ADGRL2: variants seen among roughly 807,000 people sequenced by gnomAD.
ADGRL2 encodes the protein adhesion G protein-coupled receptor L2.
Under a neutral mutation model 157.4 loss-of-function variants are expected in ADGRL2, and 44 were observed. The observed-to-expected ratio is 0.28, with a 90% CI of 0.22 to 0.36. The LOEUF (loss-of-function observed/expected upper bound fraction) is 0.36, where lower values mean the gene tolerates loss of function less well. ADGRL2 is among the 10% of genes least tolerant of loss of function. The pLI is 1.00. For missense variants in ADGRL2, 1,510 were observed against 1,768.9 expected (o/e 0.85, Z 2.63); for synonymous variants, 585 against 624.7 (o/e 0.94, Z 0.95).
intron 3 of ADGRL2, among the ~76,000 whole-genome samples, chr1:81,606,891 A>T (rs531900772): frequency 2.6e-5 from 4 of 152,104 alleles, no homozygotes; most frequent in Admixed American, 2.6e-4. Flanking sequence ...CACAAAGTCA[A>T]CTGTAGTACA....
chr1:81,832,544 C>T lies in ADGRL2; in HGVS notation c.-100-4341C>T, dbSNP rs74832367. 3.3e-3 allele frequency among the ~76,000 whole-genome samples: 498 copies of T among 152,188 alleles called. 2 individuals are homozygous for T. The highest frequency in any genetic ancestry group is 0.011 in the African/African-American group (473 of 41,524). Reference sequence around the variant, plus strand: ...CTGAGTGTCTACTATGTCTGCGAAACGAAGAAATTTTAGTAAAGGGTAAGA... The same window carrying T: ...CTGAGTGTCTACTATGTCTGCGAAATGAAGAAATTTTAGTAAAGGGTAAGA... On this transcript the variant is annotated intron_variant, in intron 1 of 23. Coordinates refer to ENST00000686636, the MANE Select transcript of ADGRL2 (RefSeq NM_001366006.2).
At chr1:81,484,437 G>T (rs570947810) in intron 2 of ADGRL2, among the ~76,000 whole-genome samples, 3 of 152,220 alleles carry the variant, frequency 2.0e-5, no homozygotes, top group Non-Finnish European at 4.4e-5. Flanking sequence ...AGCCCTGAAG[G>T]CTGGGTCAGA....
intron 1 of ADGRL2, among the ~76,000 whole-genome samples, chr1:81,754,195 C>G (rs982031742): frequency 2.2e-5 from 3 of 134,338 alleles, no homozygotes; most frequent in African/African-American, 7.9e-5. Flanking sequence ...TTCATAGATT[C>G]CCTCCCTCCC....
intron 2 of ADGRL2, among the ~76,000 whole-genome samples, chr1:81,521,443 G>T (rs6605237): frequency 0.46 from 69,835 of 151,944 alleles, 20,351 homozygotes; most frequent in African/African-American, 0.82. Flanking sequence ...GGAACATGAA[G>T]GTATCACAGA....
intron 1 of ADGRL2, among the ~76,000 whole-genome samples, chr1:81,442,858 G>A (rs922589139): frequency 6.6e-6 from 1 of 152,088 alleles, no homozygotes; most frequent in African/African-American, 2.4e-5. Context: ...CAAATCTGCT[G>A]GATAGCAAAG....
At chr1:81,990,191 A>AT (rs1243815813) in intron 23 of ADGRL2, 200 bp from the exon 24 acceptor site, 4 of 985,090 alleles carry the variant, frequency 4.1e-6, no homozygotes, top group Non-Finnish European at 4.8e-6. Context: ...AAACAGTATT[A>AT]TTTTTAACAC....
At chr1:81,527,265 GT>G (rs1321911606) in intron 2 of ADGRL2, among the ~76,000 whole-genome samples, 8 of 152,084 alleles carry the variant, frequency 5.3e-5, no homozygotes, top group Admixed American at 3.3e-4. Context: ...ATCACAAAGT[GT>G]TGTCAGTCGC....
chr1:81,629,667 A>ATGTGTGTGTGTG (rs60497907), intron 3 of ADGRL2, among the ~76,000 whole-genome samples: 2 of 149,170 alleles, frequency 1.3e-5, no homozygotes, highest in African/African-American at 5.0e-5. Context: ...ATGAATGTAT[A>ATGTGTGTGTGTG]TGTGTGTGTG....
intron 1 of ADGRL2, among the ~76,000 whole-genome samples, chr1:81,410,499 G>T (rs1049275285): frequency 6.6e-6 from 1 of 152,160 alleles, no homozygotes; most frequent in Non-Finnish European, 1.5e-5. Context: ...GGCATCAAAG[G>T]AATTAGGTCA....
rs567640282 is a variant in ADGRL2, at chr1:81,515,417, T to C, written c.-247-65459T>C. Among the ~76,000 whole-genome samples, 23 of 146,344 alleles carry C rather than the reference T, an allele frequency of 1.6e-4. No individual in the cohort carries two copies. In the East Asian group the frequency reaches 4.7e-3, roughly 30 times the overall value. On this transcript the variant is annotated intron_variant, in intron 2 of 24. Transcript: ENST00000370721. ...ATCAGAATCAGCTCAGAGAGGAGAATCATTTTCCTAAGAGCCAGGAACCTC... is the reference window on the plus strand; with the variant it reads ...ATCAGAATCAGCTCAGAGAGGAGAACCATTTTCCTAAGAGCCAGGAACCTC...
At chr1:81,760,305 T>C (rs1451742781) in intron 1 of ADGRL2, among the ~76,000 whole-genome samples, 2 of 152,132 alleles carry the variant, frequency 1.3e-5, no homozygotes, top group Non-Finnish European at 2.9e-5. Context: ...GGCAACTGAA[T>C]GTTGCCATAG....
At chr1:81,824,594 C>T (rs1366196558) in intron 1 of ADGRL2, among the ~76,000 whole-genome samples, 1 of 152,130 alleles carries the variant, frequency 6.6e-6, no homozygotes, top group Non-Finnish European at 1.5e-5. Context: ...CATTTTAAAA[C>T]TAGTTTAAAA....
intron 1 of ADGRL2, among the ~76,000 whole-genome samples, chr1:81,744,416 C>G (rs556264688): frequency 1.2e-4 from 19 of 152,268 alleles, no homozygotes; most frequent in South Asian, 8.3e-4. Flanking sequence ...ACAGAAGTTT[C>G]TTTCAAACAC....
chr1:81,396,064 A>T (rs1196698816), intron 1 of ADGRL2, among the ~76,000 whole-genome samples: 2 of 152,026 alleles, frequency 1.3e-5, no homozygotes, highest in Non-Finnish European at 2.9e-5. Flanking sequence ...ATGCAATGTC[A>T]TTGCATTGCA....
At chr1:81,791,634 A>G (rs1443114765) in intron 2 of ADGRL2, among the ~76,000 whole-genome samples, 2 of 152,128 alleles carry the variant, frequency 1.3e-5, no homozygotes, top group African/African-American at 4.8e-5. Context: ...CAAAAAAAGA[A>G]AAAAAAGGAG....
At chr1:81,940,875 C>T (rs1489197668) in intron 4 of ADGRL2, among the ~76,000 whole-genome samples, 1 of 150,674 alleles carries the variant, frequency 6.6e-6, no homozygotes, top group Admixed American at 6.6e-5. Context: ...GGTTTACCAA[C>T]AAGGATCTTA....
At chr1:81,785,044 G>T (rs889581483) in intron 2 of ADGRL2, among the ~76,000 whole-genome samples, 1 of 152,064 alleles carries the variant, frequency 6.6e-6, no homozygotes, top group Non-Finnish European at 1.5e-5. Flanking sequence ...GGAAAAAAAA[G>T]AGAAAATTTC....
chr1:81,748,634 C>T (rs532652634), intron 1 of ADGRL2, among the ~76,000 whole-genome samples: 2 of 151,496 alleles, frequency 1.3e-5, no homozygotes, highest in African/African-American at 4.8e-5. Flanking sequence ...TTTTGTCTAT[C>T]TCAGTCTCTT....
chr1:81,759,142 C>G (rs2085786967), intron 1 of ADGRL2, among the ~76,000 whole-genome samples: 1 of 152,018 alleles, frequency 6.6e-6, no homozygotes. Context: ...CTGTAATTAG[C>G]CATCTGTAAT....
Sources: allele counts gnomAD v4.1 joint callset (sites outside exome capture counted in the v4.1 genomes callset), GRCh38; gene constraint gnomAD v4.1.1; transcripts MANE v1.5; gene names NCBI Gene and HGNC (gene_info 2026-07-23, HGNC 2026-07-21).